ZNF606: variants seen among roughly 807,000 people sequenced by gnomAD.
ZNF606 encodes the protein zinc finger protein 328.
In ZNF606, 37 loss-of-function variants were observed where a neutral mutation model predicts 74.9. The observed-to-expected ratio is 0.49, with a 90% CI of 0.38 to 0.65. ZNF606 has a LOEUF of 0.65. Among genes scored for constraint, ZNF606 ranks in the 30% least tolerant of loss-of-function variants. ZNF606 has a pLI of 0.00. For missense variants in ZNF606, 852 were observed against 952.9 expected (o/e 0.89, Z 1.39); for synonymous variants, 328 against 312.4 (o/e 1.05, Z -0.53).
At position 57,987,841 on chromosome 19, in the gene ZNF606, T is replaced by A. The variant is rs372867479; in HGVS notation, c.400+366A>T. ...AGACTTTATTTCAAAACAAACAAAC[T>A]AAAAAGCCCAAAAAGACTATTTTTT... On this transcript the variant is annotated intron_variant, in intron 6 of 6. Coordinates refer to ENST00000551380, the MANE Select transcript of ZNF606 (RefSeq NM_001348022.3). 1.4e-4 allele frequency among the ~76,000 whole-genome samples: 21 copies of A among 152,082 alleles called. 1 individual carries two copies. The East Asian group carries it at 1.9e-3, about 14-fold the overall frequency.
chr19:57,995,885 G>A (rs1048138140), intron 4 of ZNF606, among the ~76,000 whole-genome samples: 3 of 152,140 alleles, frequency 2.0e-5, no homozygotes, highest in African/African-American at 7.2e-5. Flanking sequence ...AAATGAATTA[G>A]CTGTGTACAA....
In ZNF606 at chr19:57,980,108, C is replaced by T; in HGVS notation, c.572G>A (p.Ser191Asn). 6.2e-7 allele frequency: 1 copy of T among 1,614,064 alleles called. No individual in the cohort carries two copies. The highest frequency in any genetic ancestry group is 1.1e-5 in the South Asian group (1 of 91,086). ...DQLEMYHMNQ[S>N]TAMRQMVFMQ... ...GAAGACCATCTGCCTCATAGCTGTA[C>T]TCTGGTTCATGTGGTACATTTCTAA... The change falls in exon 7 of 7, where the codon AGT (serine) becomes AAT (asparagine). Residue 191 changes from serine (S) to asparagine (N), a missense_variant. Physicochemically the swap from Ser to Asn is conservative, Grantham distance 46 (BLOSUM62 1). Coordinates refer to ENST00000551380, the MANE Select transcript of ZNF606 (RefSeq NM_001348022.3).
intron 6 of ZNF606, among the ~76,000 whole-genome samples, chr19:57,982,093 G>T (rs2073092881): frequency 6.6e-6 from 1 of 152,178 alleles, no homozygotes; most frequent in Admixed American, 6.5e-5. Flanking sequence ...ACAAATTTAT[G>T]ATCTTTCCGT....
intron 4 of ZNF606, among the ~76,000 whole-genome samples, chr19:57,997,114 C>G (rs1287226806): frequency 6.6e-6 from 1 of 152,150 alleles, no homozygotes; most frequent in Non-Finnish European, 1.5e-5. Flanking sequence ...TGCACATCCT[C>G]AAGTCTGACC....
chr19:57,997,785 G>A (rs1320885679), intron 4 of ZNF606: 1 of 152,188 alleles, frequency 6.6e-6, no homozygotes, highest in Non-Finnish European at 1.5e-5. Flanking sequence ...CATCTTTCAG[G>A]CTAGTCTAGC....
chr19:57,980,553 G>A (rs2073070114), intron 6 of ZNF606, among the ~76,000 whole-genome samples: 1 of 152,142 alleles, frequency 6.6e-6, no homozygotes, highest in African/African-American at 2.4e-5. Context: ...GTGCAAGAAA[G>A]AGGCCGGACG....
At chr19:57,989,910 A>G (rs2123306148) in intron 4 of ZNF606, among the ~76,000 whole-genome samples, 1 of 151,100 alleles carries the variant, frequency 6.6e-6, no homozygotes, top group South Asian at 2.1e-4. Context: ...AAATTAGCTC[A>G]GCGCAGTGGC....
At chr19:57,984,074 G>A (rs1008628586) in intron 6 of ZNF606, among the ~76,000 whole-genome samples, 6 of 152,212 alleles carry the variant, frequency 3.9e-5, no homozygotes, top group Non-Finnish European at 2.9e-5. Context: ...CTGTGAGAGT[G>A]ATGATGGAAG....
chr19:57,988,076 C>A, intron 6 of ZNF606, 131 bp downstream of exon 6: 1 of 657,660 alleles, frequency 1.5e-6, no homozygotes, highest in Non-Finnish European at 2.5e-6. Context: ...TCAAAAGCAG[C>A]AAGAGAAGAA....
chr19:57,990,180 C>T (rs748676407), intron 4 of ZNF606, among the ~76,000 whole-genome samples: 15 of 150,686 alleles, frequency 1.0e-4, no homozygotes, highest in East Asian at 7.8e-4. Context: ...GGCTAACACG[C>T]GGTAAAACAT....
At chr19:57,991,104 C>A (rs1206016487) in intron 4 of ZNF606, among the ~76,000 whole-genome samples, 1 of 152,188 alleles carries the variant, frequency 6.6e-6, no homozygotes, top group Non-Finnish European at 1.5e-5. Flanking sequence ...CGCCTTCTCT[C>A]CTTCCTTGTC....
At position 58,002,609 on chromosome 19, in the gene ZNF606, G is replaced by A. The variant is rs923007802; in HGVS notation, c.-265C>T. On this transcript the variant is annotated 5_prime_UTR_variant, in exon 1 of 7. Transcript: ENST00000551380. ...CAGAAAACGAAGAACGCCCGGAGGC[G>A]GGAGGCCGGAGGCAGGCTGCTGGCT... 4.5e-6 allele frequency: 2 copies of A among 441,830 alleles called. No individual in the cohort carries two copies. The highest frequency in any genetic ancestry group is 2.3e-5 in the African/African-American group (1 of 43,710). 27.4% of individuals were successfully genotyped at this position (441,830 alleles called of 1,614,324 possible).
At chr19:58,001,228 G>T in intron 2 of ZNF606, 61 bp downstream of exon 2, 1 of 1,597,280 alleles carries the variant, frequency 6.3e-7, no homozygotes, top group Non-Finnish European at 8.6e-7. Flanking sequence ...CACCAGCTCT[G>T]ACCCATGACT....
At chr19:57,995,936 CAA>C (rs1472011380) in intron 4 of ZNF606, among the ~76,000 whole-genome samples, 1 of 152,036 alleles carries the variant, frequency 6.6e-6, no homozygotes, top group African/African-American at 2.4e-5. Flanking sequence ...GGTGGAAAGA[CAA>C]AGAGTAAAAG....
chr19:57,987,364 C>T (rs1297092153), intron 6 of ZNF606, among the ~76,000 whole-genome samples: 2 of 152,018 alleles, frequency 1.3e-5, no homozygotes, highest in African/African-American at 2.4e-5. Context: ...TCACCTCAGC[C>T]CCCTGAGTAG....
In ZNF606 at chr19:58,001,325, G is replaced by C. The variant is rs1215705134; in HGVS notation, c.-6C>G. On this transcript the variant is annotated 5_prime_UTR_variant, in exon 2 of 7. Coordinates refer to ENST00000551380, the MANE Select transcript of ZNF606 (RefSeq NM_001348022.3). ...CACGGGTTGATGGCTGCCATCCCGA[G>C]GACTGATTGACCAGGCACCTGCCCA... is the stretch of plus-strand genomic sequence containing the variant. 6.2e-7 allele frequency: 1 copy of C among 1,614,074 alleles called. No homozygotes were observed. Among genetic ancestry groups the C allele is most frequent in the East Asian group, 2.2e-5 (1 of 44,878 alleles).
rs1233406519 is a variant in ZNF606 at position 57,999,664 on chromosome 19, T to A, written c.177+144A>T. Reference sequence around the variant, plus strand: ...TCACTAAAAACGGCCTAATTCTCCCTACCTGCTCTCAGGAAGGATTAACTT... The same window carrying A: ...TCACTAAAAACGGCCTAATTCTCCCAACCTGCTCTCAGGAAGGATTAACTT... On this transcript the variant is annotated intron_variant, in intron 4 of 6. Transcript: ENST00000551380. 5.0e-6 allele frequency: 4 copies of A among 796,568 alleles called. No homozygotes were observed. In the African/African-American group the frequency reaches 6.8e-5, roughly 14 times the overall value. 49.3% of individuals were successfully genotyped at this position (796,568 alleles called of 1,614,324 possible). A position where few individuals can be genotyped will look rare whatever the true frequency, so the allele number is the denominator to read the frequency against.
intron 6 of ZNF606, 80 bp downstream of exon 6, chr19:57,988,127 A>C: frequency 1.2e-4 from 126 of 1,042,674 alleles, no homozygotes; most frequent in Non-Finnish European, 1.6e-4. Context: ...GAGGAAGGTA[A>C]CTCTTCATGG....
At chr19:57,990,400 G>C (rs1034849848) in intron 4 of ZNF606, among the ~76,000 whole-genome samples, 4 of 151,620 alleles carry the variant, frequency 2.6e-5, no homozygotes, top group African/African-American at 7.3e-5. Flanking sequence ...GGCCAAGTGT[G>C]GTGGTGCACA....
Sources: gnomAD v4.1 joint callset for allele counts (sites outside exome capture counted in the v4.1 genomes callset) on GRCh38, gnomAD v4.1.1 for gene constraint, MANE v1.5 for transcripts, NCBI Gene and HGNC (gene_info 2026-07-23, HGNC 2026-07-21) for gene names.